Variants in CELF4 observed in about 807,000 individuals in gnomAD.
The protein encoded by CELF4 is CUG-BP- and ETR-3-like factor 4.
Under a neutral mutation model 59.9 loss-of-function variants are expected in CELF4, and 18 were observed. The ratio of observed to expected loss-of-function variants is 0.30; its 90% CI spans 0.21 to 0.45. CELF4 has a LOEUF of 0.45. Ranked by LOEUF, CELF4 falls within the 20% of genes least tolerant of loss-of-function variation. The pLI is 1.00. For missense variants in CELF4, 456 were observed against 689.0 expected (o/e 0.66, Z 3.79); for synonymous variants, 261 against 267.1 (o/e 0.98, Z 0.22).
intron 1 of CELF4, among the ~76,000 whole-genome samples, chr18:37,537,310 C>T (rs184818333): frequency 8.4e-4 from 128 of 152,196 alleles, no homozygotes; most frequent in Admixed American, 2.0e-3. Context: ...TTTGGGAAAT[C>T]GCACCCAGGC....
intron 2 of CELF4, among the ~76,000 whole-genome samples, chr18:37,436,992 T>A (rs2099694745): frequency 6.6e-6 from 1 of 152,178 alleles, no homozygotes; most frequent in African/African-American, 2.4e-5. Context: ...ATAGTTCTGA[T>A]AATGGGGGGA....
intron 8 of CELF4, among the ~76,000 whole-genome samples, chr18:37,267,962 G>A (rs1411880834): frequency 5.3e-5 from 8 of 152,088 alleles, no homozygotes; most frequent in African/African-American, 1.2e-4. Flanking sequence ...ACTTGAACCC[G>A]GGAGGCGGAG....
intron 2 of CELF4, among the ~76,000 whole-genome samples, chr18:37,429,607 A>G (rs1400897691): frequency 6.6e-6 from 1 of 152,190 alleles, no homozygotes; most frequent in Non-Finnish European, 1.5e-5. Context: ...TACCTCATGC[A>G]GGGACTGCTT....
At chr18:37,478,098 C>T (rs1013655759) in intron 2 of CELF4, among the ~76,000 whole-genome samples, 6 of 152,168 alleles carry the variant, frequency 3.9e-5, no homozygotes, top group Non-Finnish European at 1.5e-5. Context: ...CACTGTCGTC[C>T]TTGCTCTCCC....
chr18:37,494,086 C>T (rs969095636), intron 1 of CELF4, among the ~76,000 whole-genome samples: 4 of 152,118 alleles, frequency 2.6e-5, no homozygotes, highest in South Asian at 2.1e-4. Flanking sequence ...GTGTTCAGAC[C>T]GAGGGACCTA....
chr18:37,280,563 A>G (rs2094005283), intron 3 of CELF4, among the ~76,000 whole-genome samples: 1 of 152,226 alleles, frequency 6.6e-6, no homozygotes, highest in African/African-American at 2.4e-5. Context: ...AGAGGCTAGA[A>G]GTGGGAGGAG....
At chr18:37,563,231 A>G (rs1311939954) in intron 1 of CELF4, among the ~76,000 whole-genome samples, 3 of 152,146 alleles carry the variant, frequency 2.0e-5, no homozygotes, top group Non-Finnish European at 4.4e-5. Context: ...GGGATTGTAG[A>G]AAAGAAACCA....
In CELF4 at chr18:37,560,403, A is replaced by G. The variant is rs2099986187; in HGVS notation, c.286+4953T>C. On this transcript the variant is annotated intron_variant, in intron 1 of 12. Coordinates refer to ENST00000420428, the MANE Select transcript of CELF4 (RefSeq NM_020180.4). ...TATTTTTTCTTTGCTCTTAAGTAGG[A>G]CACTTATCAACATCTGGAATTTGGA... Among the ~76,000 whole-genome samples, 6 of 152,348 alleles carry G rather than the reference A, an allele frequency of 3.9e-5. No individual in the cohort carries two copies. The South Asian group carries it at 1.0e-3, about 26-fold the overall frequency.
chr18:37,265,141 CATGTGTGTGGGTGT>C (rs2154328864), intron 9 of CELF4, among the ~76,000 whole-genome samples: 1 of 148,112 alleles, frequency 6.8e-6, no homozygotes, highest in South Asian at 2.1e-4. Flanking sequence ...TGCATACATG[CATGTGTGTGGGTGT>C]ATGTGTGTGC....
intron 3 of CELF4, 64 bp downstream of exon 3, chr18:37,321,739 C>T (rs561309654): frequency 5.4e-5 from 65 of 1,206,362 alleles, no homozygotes; most frequent in South Asian, 1.1e-4. Context: ...CGCCTTGCTG[C>T]GTCGGGAAAA....
At chr18:37,258,695 C>T (rs1359557439) in intron 11 of CELF4, among the ~76,000 whole-genome samples, 2 of 152,060 alleles carry the variant, frequency 1.3e-5, no homozygotes, top group Non-Finnish European at 2.9e-5. Flanking sequence ...AGGGGCCTGG[C>T]TAGGTGACTG....
chr18:37,539,118 C>T (rs995015854), intron 1 of CELF4, among the ~76,000 whole-genome samples: 1 of 152,198 alleles, frequency 6.6e-6, no homozygotes, highest in African/African-American at 2.4e-5. Flanking sequence ...GCTGCTCCTG[C>T]GCAGCAAACA....
intron 2 of CELF4, among the ~76,000 whole-genome samples, chr18:37,449,583 G>C (rs1188220052): frequency 1.3e-5 from 2 of 152,170 alleles, no homozygotes; most frequent in African/African-American, 2.4e-5. Context: ...TCTAGTGGAG[G>C]GGGACCAACA....
chr18:37,490,158 G>A (rs1252002783), intron 1 of CELF4, among the ~76,000 whole-genome samples: 1 of 152,084 alleles, frequency 6.6e-6, no homozygotes, highest in East Asian at 1.9e-4. Context: ...AATAATAGAC[G>A]CCATGTATAT....
intron 2 of CELF4, among the ~76,000 whole-genome samples, chr18:37,454,319 G>A (rs938863744): frequency 5.3e-5 from 8 of 152,144 alleles, no homozygotes; most frequent in African/African-American, 1.9e-4. Context: ...GAGGCAGGTG[G>A]GCTCTGTTCT....
intron 2 of CELF4, among the ~76,000 whole-genome samples, chr18:37,377,204 G>A (rs1169519265): frequency 6.6e-6 from 1 of 152,216 alleles, no homozygotes; most frequent in African/African-American, 2.4e-5. Flanking sequence ...GAAGGCAGTG[G>A]TTGGGCTGGT....
intron 1 of CELF4, among the ~76,000 whole-genome samples, chr18:37,525,650 TTGGTGAC>T (rs1358607202): frequency 6.6e-6 from 1 of 152,144 alleles, no homozygotes; most frequent in African/African-American, 2.4e-5. Context: ...TTAGGGTTCC[TTGGTGAC>T]TGGCTGATGG....
At chr18:37,302,369 C>T (rs2096111082) in intron 3 of CELF4, among the ~76,000 whole-genome samples, 1 of 152,218 alleles carries the variant, frequency 6.6e-6, no homozygotes, top group African/African-American at 2.4e-5. Context: ...GCCAGAAGGC[C>T]TCACACTGCC....
chr18:37,411,170 G>A (rs751758178), intron 2 of CELF4, among the ~76,000 whole-genome samples: 6 of 151,900 alleles, frequency 3.9e-5, no homozygotes, highest in Non-Finnish European at 8.8e-5. Flanking sequence ...TGCCCAAGCT[G>A]GCCTCAAACT....
Sources: gnomAD v4.1 joint callset for allele counts (sites outside exome capture counted in the v4.1 genomes callset) on GRCh38, gnomAD v4.1.1 for gene constraint, MANE v1.5 for transcripts, NCBI Gene and HGNC (gene_info 2026-07-23, HGNC 2026-07-21) for gene names.